Variants in MDGA2 observed in about 807,000 individuals in gnomAD.
MDGA2 encodes the protein MAM domain containing glycosylphosphatidylinositol anchor 2.
Under a neutral mutation model 117.8 loss-of-function variants are expected in MDGA2, and 40 were observed. The ratio of observed to expected loss-of-function variants is 0.34; its 90% CI spans 0.26 to 0.44. The LOEUF is 0.44. Ranked by LOEUF, MDGA2 falls within the 20% of genes least tolerant of loss-of-function variation. The probability of loss-of-function intolerance (pLI) is 1.00; values close to 1 mark genes in which losing one functional copy is unlikely to be tolerated. For missense variants in MDGA2, 1,123 were observed against 1,250.6 expected (o/e 0.90, Z 1.54); for synonymous variants, 452 against 439.0 (o/e 1.03, Z -0.37).
chr14:47,524,339 A>C (rs1029977129), intron 1 of MDGA2, among the ~76,000 whole-genome samples: 1 of 152,242 alleles, frequency 6.6e-6, no homozygotes, highest in African/African-American at 2.4e-5. Context: ...TTCTACCATT[A>C]CATAAAGACT....
intron 3 of MDGA2, among the ~76,000 whole-genome samples, chr14:47,205,412 A>G (rs1217541238): frequency 1.3e-5 from 2 of 152,036 alleles, no homozygotes; most frequent in African/African-American, 2.4e-5. Context: ...AATATCTCCA[A>G]GCCTAATGGG....
At chr14:47,536,490 T>C (rs1314010653) in intron 1 of MDGA2, among the ~76,000 whole-genome samples, 2 of 152,226 alleles carry the variant, frequency 1.3e-5, no homozygotes, top group African/African-American at 2.4e-5. Context: ...TCCAAGCATT[T>C]TGTCACTTAA....
intron 1 of MDGA2, among the ~76,000 whole-genome samples, chr14:47,431,045 G>A (rs1028879461): frequency 2.3e-4 from 35 of 152,016 alleles, no homozygotes; most frequent in African/African-American, 8.2e-4. Context: ...ATTGGGGATT[G>A]TCTGCAGACA....
At chr14:47,455,548 A>T (rs745937492) in intron 1 of MDGA2, among the ~76,000 whole-genome samples, 1 of 152,180 alleles carries the variant, frequency 6.6e-6, no homozygotes, top group Non-Finnish European at 1.5e-5. Flanking sequence ...GTGGCACATT[A>T]AAGAGATCAA....
At chr14:46,973,006 G>A (rs1886326664) in intron 8 of MDGA2, among the ~76,000 whole-genome samples, 1 of 152,098 alleles carries the variant, frequency 6.6e-6, no homozygotes, top group Admixed American at 6.6e-5. Context: ...TGGAAATTAT[G>A]TTTATGAGGA....
chr14:47,304,694 A>G (rs1480269289), intron 1 of MDGA2, among the ~76,000 whole-genome samples: 1 of 152,098 alleles, frequency 6.6e-6, no homozygotes, highest in African/African-American at 2.4e-5. Context: ...ATATCTCCCT[A>G]TGACATTTCA....
At chr14:47,217,455 C>T (rs557506607) in intron 3 of MDGA2, among the ~76,000 whole-genome samples, 1 of 151,878 alleles carries the variant, frequency 6.6e-6, no homozygotes, top group East Asian at 1.9e-4. Context: ...AAAAATAAAT[C>T]AACAAACACT....
At chr14:47,368,032 C>T (rs1891267765) in intron 1 of MDGA2, among the ~76,000 whole-genome samples, 1 of 152,114 alleles carries the variant, frequency 6.6e-6, no homozygotes, top group African/African-American at 2.4e-5. Context: ...GTAATCCCAG[C>T]ACTTTGGGAG....
intron 2 of MDGA2, among the ~76,000 whole-genome samples, chr14:47,278,969 T>C (rs779756705): frequency 6.6e-6 from 1 of 152,194 alleles, no homozygotes; most frequent in African/African-American, 2.4e-5. Flanking sequence ...TTTTAAAAAC[T>C]GCATAGTATT....
chr14:47,100,370 A>C (rs1337908828), intron 5 of MDGA2, among the ~76,000 whole-genome samples: 1 of 152,044 alleles, frequency 6.6e-6, no homozygotes, highest in Non-Finnish European at 1.5e-5. Flanking sequence ...ATAAGACATG[A>C]AGAAAGATAA....
chr14:47,196,335 G>A (rs1031808948), intron 3 of MDGA2, among the ~76,000 whole-genome samples: 23 of 152,120 alleles, frequency 1.5e-4, no homozygotes, highest in Middle Eastern at 3.4e-3. Context: ...AAGAATCCTG[G>A]GATGAAGAAA....
At chr14:47,037,804 TAAAA>T (rs1888910182) in intron 7 of MDGA2, among the ~76,000 whole-genome samples, 1 of 152,126 alleles carries the variant, frequency 6.6e-6, no homozygotes, top group Non-Finnish European at 1.5e-5. Context: ...GTAAAATAAA[TAAAA>T]AATGTATAAC....
At chr14:47,293,785 A>G (rs1380142369) in intron 2 of MDGA2, among the ~76,000 whole-genome samples, 1 of 152,162 alleles carries the variant, frequency 6.6e-6, no homozygotes, top group African/African-American at 2.4e-5. Context: ...AACAAAAATA[A>G]CTTTTCTTGA....
rs576313368 is a variant in MDGA2 at position 46,966,161 on chromosome 14, A to C, written c.1820-8518T>G. 4.6e-5 allele frequency among the ~76,000 whole-genome samples: 7 copies of C among 152,326 alleles called. No homozygotes were observed. In the South Asian group the frequency reaches 1.4e-3, roughly 32 times the overall value. ...AGATACTGTGTTAAGATATTCACACAGATTATCTTTTTATAACAATAACCC... is the reference window on the plus strand; with the variant it reads ...AGATACTGTGTTAAGATATTCACACCGATTATCTTTTTATAACAATAACCC... On this transcript the variant is annotated intron_variant, in intron 8 of 16. Coordinates refer to ENST00000399232, the MANE Select transcript of MDGA2 (RefSeq NM_001113498.3).
intron 1 of MDGA2, among the ~76,000 whole-genome samples, chr14:47,653,910 G>C (rs1206640665): frequency 3.3e-5 from 5 of 152,168 alleles, no homozygotes; most frequent in Non-Finnish European, 7.3e-5. Context: ...TTCTCCCTTA[G>C]AGCTTTCAAA....
At chr14:47,207,493 G>C (rs940376534) in intron 3 of MDGA2, among the ~76,000 whole-genome samples, 1 of 151,944 alleles carries the variant, frequency 6.6e-6, no homozygotes, top group South Asian at 2.1e-4. Context: ...CAGGTGTGAA[G>C]TGATGAGAGA....
intron 1 of MDGA2, among the ~76,000 whole-genome samples, chr14:47,519,761 T>G (rs2138710468): frequency 6.6e-6 from 1 of 152,306 alleles, no homozygotes; most frequent in African/African-American, 2.4e-5. Context: ...CATTCTTACC[T>G]TAATAAGCTA....
chr14:47,484,565 C>A (rs1482098567), intron 1 of MDGA2, among the ~76,000 whole-genome samples: 2 of 152,094 alleles, frequency 1.3e-5, no homozygotes, highest in African/African-American at 4.8e-5. Context: ...CTGCTTGGTG[C>A]AAAATTCATG....
intron 7 of MDGA2, among the ~76,000 whole-genome samples, chr14:47,049,888 C>A (rs113444293): frequency 1.6e-3 from 240 of 152,014 alleles, no homozygotes; most frequent in African/African-American, 5.4e-3. Flanking sequence ...CAACTCTTTC[C>A]CTCCCCTGCA....
Sources: allele counts gnomAD v4.1 joint callset (sites outside exome capture counted in the v4.1 genomes callset), GRCh38; gene constraint gnomAD v4.1.1; transcripts MANE v1.5; gene names NCBI Gene and HGNC (gene_info 2026-07-23, HGNC 2026-07-21).